Variants in KCNT1 observed in about 807,000 individuals in gnomAD.
The protein encoded by KCNT1 is potassium sodium-activated channel subfamily T member 1.
A neutral mutation model predicts 147.8 loss-of-function variants in KCNT1; 78 were observed. The ratio of observed to expected loss-of-function variants is 0.53; its 90% CI spans 0.44 to 0.64. The LOEUF is 0.64. Among genes scored for constraint, KCNT1 ranks in the 30% least tolerant of loss-of-function variants. The pLI, the probability that KCNT1 is intolerant of heterozygous loss-of-function variation, is 0.00. For synonymous variants in KCNT1, 867 were observed against 748.8 expected (o/e 1.16, Z -2.58); for missense variants, 1,419 against 1,750.3 (o/e 0.81, Z 3.38).
intron 2 of KCNT1, among the ~76,000 whole-genome samples, chr9:135,739,835 G>A (rs969858714): frequency 3.9e-5 from 6 of 152,196 alleles, no homozygotes; most frequent in Admixed American, 2.0e-4. Context: ...ACCCAGGAGC[G>A]TGCACAGGGA....
chr9:135,711,150 G>A lies in KCNT1; in HGVS notation c.111-3427G>A, dbSNP rs142677444. ...ACTCCTTGCTTTTATCCTTTTTCTC[G>A]CAGCAGTGCACAGATGAGGCCTCCT... On this transcript the variant is annotated intron_variant, in intron 1 of 30. Transcript: ENST00000371757. 4.6e-5 allele frequency among the ~76,000 whole-genome samples: 7 copies of A among 152,270 alleles called. No homozygotes were observed. The East Asian group carries it at 7.7e-4, about 17-fold the overall frequency.
intron 2 of KCNT1, among the ~76,000 whole-genome samples, chr9:135,739,627 GC>G (rs919878939): frequency 6.6e-6 from 1 of 152,112 alleles, no homozygotes; most frequent in African/African-American, 2.4e-5. Context: ...TGGGCCTGAA[GC>G]CCCCCTTGGA....
chr9:135,775,911 C>T (rs1833138677), intron 20 of KCNT1, among the ~76,000 whole-genome samples: 1 of 152,140 alleles, frequency 6.6e-6, no homozygotes, highest in South Asian at 2.1e-4. Flanking sequence ...TCTCGTTACT[C>T]TCCCTTAATC....
At chr9:135,774,412 GTGTGTGTC>G (rs1832992147) in intron 19 of KCNT1, among the ~76,000 whole-genome samples, 1 of 141,510 alleles carries the variant, frequency 7.1e-6, no homozygotes, top group East Asian at 2.2e-4. Flanking sequence ...TGTGTGTGTG[GTGTGTGTC>G]TGTGTGTTGT....
intron 13 of KCNT1, chr9:135,768,389 G>T: frequency 2.8e-6 from 1 of 359,128 alleles, no homozygotes; most frequent in Non-Finnish European, 4.9e-6. Context: ...AGGGGGCACT[G>T]TGACTCCTGA....
chr9:135,772,363 C>A (rs538484201), intron 18 of KCNT1, among the ~76,000 whole-genome samples: 44 of 152,292 alleles, frequency 2.9e-4, no homozygotes, highest in Non-Finnish European at 5.1e-4. Context: ...CCCCATCCAC[C>A]AGGCAGCCTG....
intron 24 of KCNT1, among the ~76,000 whole-genome samples, 194 bp downstream of exon 24, chr9:135,779,664 C>T (rs559940095): frequency 2.6e-5 from 4 of 152,356 alleles, no homozygotes; most frequent in South Asian, 2.1e-4. Context: ...GAGATGGAGG[C>T]AGGGCGTTTC....
chr9:135,709,637 G>A (rs956334793), intron 1 of KCNT1, among the ~76,000 whole-genome samples: 2 of 152,210 alleles, frequency 1.3e-5, no homozygotes, highest in African/African-American at 4.8e-5. Flanking sequence ...TTACTTGTGC[G>A]TTGTTTTCCA....
chr9:135,723,159 G>A (rs528033), intron 2 of KCNT1, among the ~76,000 whole-genome samples: 140,612 of 152,280 alleles, frequency 0.92, 65,004 homozygotes, highest in East Asian at 0.99. Flanking sequence ...GTGGCTCTCC[G>A]AGGCAGTGAA....
At chr9:135,754,414 G>A (rs1831359765) in intron 5 of KCNT1, among the ~76,000 whole-genome samples, 1 of 152,216 alleles carries the variant, frequency 6.6e-6, no homozygotes, top group Non-Finnish European at 1.5e-5. Context: ...CCGTCTCCCA[G>A]TGAGGTGGCG....
chr9:135,764,285 A>G (rs1048453442), intron 11 of KCNT1, among the ~76,000 whole-genome samples: 18 of 148,272 alleles, frequency 1.2e-4, no homozygotes, highest in Admixed American at 8.8e-4. Context: ...GTGAGACCCC[A>G]TCTCTACAAA....
In KCNT1 at chr9:135,778,603, C is replaced by T; in HGVS notation, c.2595-85C>T. ...GCAGGTGGGGTGGGGGGCTGAGGTC[C>T]TCCTGCCTTCTGACCAAATCCCGGG... On this transcript the variant is annotated intron_variant, in intron 22 of 30. Transcript: ENST00000371757. 10 of 1,603,222 alleles carry T rather than the reference C, an allele frequency of 6.2e-6. No homozygotes were observed. In the South Asian group the frequency reaches 6.6e-5, roughly 11 times the overall value.
intron 1 of KCNT1, among the ~76,000 whole-genome samples, chr9:135,707,978 C>T (rs891725625): frequency 3.9e-5 from 6 of 152,350 alleles, no homozygotes; most frequent in African/African-American, 1.2e-4. Context: ...TCACCGAGGA[C>T]GCTTGCCTGC....
intron 2 of KCNT1, among the ~76,000 whole-genome samples, chr9:135,715,158 C>A (rs1021799879): frequency 6.6e-6 from 1 of 152,238 alleles, no homozygotes; most frequent in Non-Finnish European, 1.5e-5. Context: ...AATGAGGGAG[C>A]TTGTCCTTCA....
At chr9:135,719,593 G>C (rs147819510) in intron 2 of KCNT1, among the ~76,000 whole-genome samples, 125 of 152,324 alleles carry the variant, frequency 8.2e-4, no homozygotes, top group Non-Finnish European at 1.6e-3. Context: ...CGGGGCCACT[G>C]AAGCCACCAC....
rs184256522 is a variant in KCNT1 at position 135,748,522 on chromosome 9, G to A, written c.255-1576G>A. ...CAGTGCCTGCTCAGAGGGGAGGTGAGGCTCACAGCCCACCCACTGGGTGTC... is the reference window on the plus strand; with the variant it reads ...CAGTGCCTGCTCAGAGGGGAGGTGAAGCTCACAGCCCACCCACTGGGTGTC... On this transcript the variant is annotated intron_variant, in intron 2 of 30. Coordinates refer to ENST00000371757, the MANE Select transcript of KCNT1 (RefSeq NM_020822.3). Among the ~76,000 whole-genome samples, 3 of 152,330 alleles carry A rather than the reference G, an allele frequency of 2.0e-5. No homozygotes were observed. The East Asian group carries it at 5.8e-4, about 29-fold the overall frequency.
chr9:135,704,410 G>A (rs1464414565), intron 1 of KCNT1, among the ~76,000 whole-genome samples: 1 of 152,206 alleles, frequency 6.6e-6, no homozygotes, highest in Non-Finnish European at 1.5e-5. Context: ...GCCGGAAAGT[G>A]GGGCTCCAGA....
intron 2 of KCNT1, among the ~76,000 whole-genome samples, chr9:135,748,889 C>T (rs1210475124): frequency 6.6e-5 from 10 of 152,220 alleles, no homozygotes; most frequent in Non-Finnish European, 1.2e-4. Context: ...CCGGAGGCAG[C>T]GCCCGAGGGC....
rs56092954 is a variant in KCNT1 at position 135,764,824 on chromosome 9, C to T, written c.1036-207C>T. Among the ~76,000 whole-genome samples the T allele has an allele frequency of 0.23, 34,877 of 152,084 alleles. 4,145 individuals carry two copies. The highest frequency in any genetic ancestry group is 0.34 in the Middle Eastern group (100 of 294). ...CTTGGTCCCCACACATCCTGCCAGCCGGGCCTGCGTCCTGCTCTGTGTCAT... is the reference window on the plus strand; with the variant it reads ...CTTGGTCCCCACACATCCTGCCAGCTGGGCCTGCGTCCTGCTCTGTGTCAT... On this transcript the variant is annotated intron_variant, in intron 11 of 30. Coordinates refer to ENST00000371757, the MANE Select transcript of KCNT1 (RefSeq NM_020822.3).
Sources: gnomAD v4.1 joint callset for allele counts (sites outside exome capture counted in the v4.1 genomes callset) on GRCh38, gnomAD v4.1.1 for gene constraint, MANE v1.5 for transcripts, NCBI Gene and HGNC (gene_info 2026-07-23, HGNC 2026-07-21) for gene names.